CYRIA: variants seen among roughly 807,000 people sequenced by gnomAD.
CYRIA encodes CYFIP-related Rac1 interactor A.
A neutral mutation model predicts 43.9 loss-of-function variants in CYRIA; 15 were observed. That is an observed-to-expected ratio of 0.34 (90% confidence interval 0.23 to 0.53). The LOEUF is 0.53. Ranked by LOEUF, CYRIA falls within the 20% of genes least tolerant of loss-of-function variation. The pLI, the probability that CYRIA is intolerant of heterozygous loss-of-function variation, is 0.94. For missense variants in CYRIA, 236 were observed against 394.2 expected, an observed-to-expected ratio of 0.60 and a Z score of 3.40; for synonymous variants, 117 against 136.0, an observed-to-expected ratio of 0.86 and a Z score of 0.97.
At chr2:16,625,084 G>T (rs908044764) in intron 1 of CYRIA, among the ~76,000 whole-genome samples, 4 of 151,504 alleles carry the variant, frequency 2.6e-5, no homozygotes, top group Admixed American at 6.6e-5. Flanking sequence ...GCATGAGACA[G>T]TTCTTTAAAG....
chr2:16,651,676 C>T (rs114554648), intron 1 of CYRIA, among the ~76,000 whole-genome samples: 4,172 of 152,306 alleles, frequency 0.027, 201 homozygotes, highest in African/African-American at 0.095. Context: ...ATTAGCTCCA[C>T]TGGAGGATGA....
chr2:16,556,356 C>T (rs546228445), intron 10 of CYRIA, among the ~76,000 whole-genome samples: 122 of 152,198 alleles, frequency 8.0e-4, no homozygotes, highest in African/African-American at 2.4e-3. Context: ...GTATATGCCA[C>T]CCCAGACCTG....
intron 1 of CYRIA, chr2:16,625,580 T>C (rs1255574779): frequency 6.6e-6 from 1 of 152,160 alleles, no homozygotes; most frequent in Non-Finnish European, 1.5e-5. Context: ...GACGTTTACT[T>C]CCTCCAAACT....
At chr2:16,566,758 C>A (rs1666947273) in intron 3 of CYRIA, among the ~76,000 whole-genome samples, 1 of 152,160 alleles carries the variant, frequency 6.6e-6, no homozygotes, top group Non-Finnish European at 1.5e-5. Context: ...GTGAGCATTT[C>A]ATGGGAGCTG....
At chr2:16,562,923 G>T (rs955244737) in intron 5 of CYRIA, among the ~76,000 whole-genome samples, 1 of 152,142 alleles carries the variant, frequency 6.6e-6, no homozygotes, top group Non-Finnish European at 1.5e-5. Flanking sequence ...AGACAGGACG[G>T]CCCACAACTC....
rs576425943 is a variant in CYRIA, at chr2:16,609,088, T to C, written c.-11+14776A>G. 3.3e-5 allele frequency among the ~76,000 whole-genome samples: 5 copies of C among 152,272 alleles called. No homozygotes were observed. The South Asian group carries it at 6.2e-4, about 19-fold the overall frequency. ...ACACAAGCGGACATTGTAAGGCTGT[T>C]TGCACAACCCCGCCGTGCTCCTCGC... On this transcript the variant is annotated intron_variant, in intron 2 of 11. Coordinates refer to ENST00000381323, the MANE Select transcript of CYRIA (RefSeq NM_030797.4).
chr2:16,552,946 A>T lies in CYRIA; in HGVS notation c.962T>A (p.Met321Lys). Residue 321 changes from methionine to lysine, a missense_variant, in exon 12 of 12, where the codon ATG (methionine) becomes AAG (lysine). By Grantham distance (95) the Met-to-Lys change is moderately conservative (BLOSUM62 -1). Coordinates refer to ENST00000381323, the MANE Select transcript of CYRIA (RefSeq NM_030797.4). ...DESTSKQIRAMLQ is the reference protein window; with the variant it reads ...DESTSKQIRAKLQ ...TCTTTGAGCAGAGCTCTACTGAAGC[A>T]TTGCTCGAATCTGTTTGGAAGTTGA... is the stretch of plus-strand genomic sequence containing the variant. 1 of 1,604,552 alleles carries T rather than the reference A, an allele frequency of 6.2e-7. No homozygotes were observed. Among genetic ancestry groups the T allele is most frequent in the South Asian group, 1.1e-5 (1 of 90,910 alleles).
chr2:16,633,302 C>T (rs958274072), intron 1 of CYRIA, among the ~76,000 whole-genome samples: 1 of 152,226 alleles, frequency 6.6e-6, no homozygotes, highest in South Asian at 2.1e-4. Context: ...TCTCTGATAC[C>T]CACCTAAGAC....
At chr2:16,568,862 C>G (rs1276551974) in intron 3 of CYRIA, among the ~76,000 whole-genome samples, 1 of 152,032 alleles carries the variant, frequency 6.6e-6, no homozygotes, top group Non-Finnish European at 1.5e-5. Context: ...AGCAAATCAC[C>G]GCTTGATAAG....
At chr2:16,659,959 T>C (rs543280176) in intron 1 of CYRIA, among the ~76,000 whole-genome samples, 1 of 152,152 alleles carries the variant, frequency 6.6e-6, no homozygotes, top group South Asian at 2.1e-4. Context: ...TGCTTGTCTC[T>C]TCCCACTGTC....
intron 3 of CYRIA, among the ~76,000 whole-genome samples, chr2:16,569,907 A>AT (rs1449504217): frequency 3.3e-5 from 5 of 152,164 alleles, no homozygotes; most frequent in African/African-American, 1.2e-4. Context: ...CTCAAGAAAA[A>AT]TTTGCTGAAC....
chr2:16,574,071 C>T (rs1034322203), intron 3 of CYRIA, among the ~76,000 whole-genome samples: 1 of 152,126 alleles, frequency 6.6e-6, no homozygotes, highest in Non-Finnish European at 1.5e-5. Flanking sequence ...GACCAAAATG[C>T]TGATAATGAT....
At chr2:16,615,839 T>C (rs1406656954) in intron 2 of CYRIA, among the ~76,000 whole-genome samples, 2 of 152,270 alleles carry the variant, frequency 1.3e-5, no homozygotes, top group African/African-American at 4.8e-5. Flanking sequence ...TCTGAACCGA[T>C]ACCAGCAGCT....
intron 3 of CYRIA, among the ~76,000 whole-genome samples, chr2:16,583,635 T>C (rs986736116): frequency 1.3e-5 from 2 of 152,174 alleles, no homozygotes; most frequent in African/African-American, 4.8e-5. Context: ...TTGCACAATC[T>C]TGAGTAGAAC....
At chr2:16,653,891 G>A (rs1261648262) in intron 1 of CYRIA, among the ~76,000 whole-genome samples, 1 of 152,174 alleles carries the variant, frequency 6.6e-6, no homozygotes, top group East Asian at 1.9e-4. Flanking sequence ...CGAAGCTAAC[G>A]CATAGTATTT....
At chr2:16,581,049 T>C (rs975893919) in intron 3 of CYRIA, among the ~76,000 whole-genome samples, 1 of 152,190 alleles carries the variant, frequency 6.6e-6, no homozygotes, top group African/African-American at 2.4e-5. Context: ...GTATAGGTCA[T>C]AATTTCTTAG....
At chr2:16,568,904 G>T (rs1302931306) in intron 3 of CYRIA, among the ~76,000 whole-genome samples, 1 of 152,152 alleles carries the variant, frequency 6.6e-6, no homozygotes, top group Non-Finnish European at 1.5e-5. Flanking sequence ...AACTAAGTGG[G>T]CCAGAGAGGA....
intron 2 of CYRIA, among the ~76,000 whole-genome samples, chr2:16,611,203 C>CAAA (rs11399188): frequency 3.6e-5 from 5 of 140,002 alleles, no homozygotes; most frequent in African/African-American, 1.3e-4. Flanking sequence ...ACTAAAAATA[C>CAAA]AAAAAAAAAA....
At chr2:16,634,851 T>A (rs1669444861) in intron 1 of CYRIA, among the ~76,000 whole-genome samples, 1 of 152,220 alleles carries the variant, frequency 6.6e-6, no homozygotes, top group Non-Finnish European at 1.5e-5. Flanking sequence ...ATGGTGGAAG[T>A]ATTTACACCA....
Sources: allele counts gnomAD v4.1 joint callset (sites outside exome capture counted in the v4.1 genomes callset), GRCh38; gene constraint gnomAD v4.1.1; transcripts MANE v1.5; gene names NCBI Gene and HGNC (gene_info 2026-07-23, HGNC 2026-07-21).